ADCY5: variants seen among roughly 807,000 people sequenced by gnomAD.
ADCY5 encodes the protein adenylate cyclase 5, also known as adenylate cyclase type 5.
In ADCY5, 30 loss-of-function variants were observed where a neutral mutation model predicts 119.7. That is an observed-to-expected ratio of 0.25 (90% CI 0.19 to 0.34). ADCY5 has a LOEUF of 0.34. Among genes scored for constraint, ADCY5 ranks in the 10% least tolerant of loss-of-function variants. The probability of loss-of-function intolerance (pLI) is 1.00; values close to 1 mark genes in which losing one functional copy is unlikely to be tolerated. For synonymous variants in ADCY5, 753 were observed against 762.2 expected (o/e 0.99, Z 0.20); for missense variants, 1,324 against 1,775.2 (o/e 0.75, Z 4.57).
intron 16 of ADCY5, 117 bp downstream of exon 16, chr3:123,297,236 T>G: frequency 5.5e-6 from 8 of 1,461,676 alleles, no homozygotes; most frequent in South Asian, 2.3e-5. Context: ...CCTGTTGGCC[T>G]TCTCCTTCAC....
At chr3:123,413,502 G>GA (rs1261995004) in intron 1 of ADCY5, among the ~76,000 whole-genome samples, 1 of 152,186 alleles carries the variant, frequency 6.6e-6, no homozygotes, top group Non-Finnish European at 1.5e-5. Context: ...TCAGAAACCT[G>GA]AAGCCTGTGT....
At chr3:123,441,777 T>G (rs915322067) in intron 1 of ADCY5, among the ~76,000 whole-genome samples, 1 of 152,156 alleles carries the variant, frequency 6.6e-6, no homozygotes, top group Non-Finnish European at 1.5e-5. Flanking sequence ...GGCCGTTGTA[T>G]TTCAGACCAG....
At chr3:123,416,985 T>C (rs1945198299) in intron 1 of ADCY5, among the ~76,000 whole-genome samples, 2 of 152,144 alleles carry the variant, frequency 1.3e-5, no homozygotes, top group Non-Finnish European at 2.9e-5. Flanking sequence ...AGAATCCTCA[T>C]CCGACCCCAA....
At chr3:123,433,470 T>C (rs1945556894) in intron 1 of ADCY5, among the ~76,000 whole-genome samples, 1 of 152,036 alleles carries the variant, frequency 6.6e-6, no homozygotes, top group African/African-American at 2.4e-5. Flanking sequence ...CAAAAGAAAA[T>C]GTAAAAATAT....
chr3:123,369,257 C>T (rs1233915180), intron 1 of ADCY5, among the ~76,000 whole-genome samples: 1 of 152,194 alleles, frequency 6.6e-6, no homozygotes, highest in Non-Finnish European at 1.5e-5. Context: ...AAGGCCCTCG[C>T]TAGGTGCTGT....
At position 123,304,138 on chromosome 3, in the gene ADCY5, A is replaced by G; in HGVS notation, c.2488T>C (p.Ser830Pro). The G allele has an allele frequency of 7.1e-7, 1 of 1,410,800 alleles. No individual in the cohort carries two copies. The highest frequency in any genetic ancestry group is 9.5e-7 in the Non-Finnish European group (1 of 1,053,894). 87.4% of individuals were successfully genotyped at this position (1,410,800 alleles called of 1,614,324 possible). Residue 830 changes from serine to proline, a missense_variant, in exon 13 of 21, where the codon TCC (serine) becomes CCC (proline). Coordinates refer to ENST00000462833, the MANE Select transcript of ADCY5 (RefSeq NM_183357.3). ...LQTLSRKIVRSKMNSTLVGVF... is the reference protein window; with the variant it reads ...LQTLSRKIVRPKMNSTLVGVF... ...CCAACCAGGGTGCTGTTCATCTTGG[A>G]CCGCACGATCTTCCTGGAGAGGGTC...
intron 3 of ADCY5, among the ~76,000 whole-genome samples, chr3:123,345,047 A>T (rs1942465211): frequency 6.6e-6 from 1 of 152,084 alleles, no homozygotes; most frequent in Non-Finnish European, 1.5e-5. Context: ...CATGCAGGCC[A>T]CTCTGTGATT....
intron 1 of ADCY5, among the ~76,000 whole-genome samples, chr3:123,419,842 C>T (rs576092219): frequency 1.1e-4 from 16 of 152,196 alleles, no homozygotes; most frequent in Admixed American, 4.6e-4. Flanking sequence ...TCCTCCGAGT[C>T]GCTCTTCCCA....
intron 1 of ADCY5, among the ~76,000 whole-genome samples, chr3:123,407,315 A>T (rs1576674663): frequency 6.6e-6 from 1 of 152,232 alleles, no homozygotes; most frequent in African/African-American, 2.4e-5. Flanking sequence ...AGCAACCAGC[A>T]GTAGCACTTG....
At chr3:123,441,737 G>A (rs192902903) in intron 1 of ADCY5, among the ~76,000 whole-genome samples, 1 of 152,242 alleles carries the variant, frequency 6.6e-6, no homozygotes, top group Admixed American at 6.5e-5. Flanking sequence ...TTACAAAACT[G>A]GTCACTCTCC....
At chr3:123,355,724 A>G (rs962759856) in intron 1 of ADCY5, among the ~76,000 whole-genome samples, 1 of 152,162 alleles carries the variant, frequency 6.6e-6, no homozygotes, top group African/African-American at 2.4e-5. Flanking sequence ...GATGAAAGAA[A>G]TTTTAAAAGA....
intron 1 of ADCY5, among the ~76,000 whole-genome samples, chr3:123,408,561 C>T (rs1160386992): frequency 2.0e-5 from 3 of 151,054 alleles, no homozygotes; most frequent in African/African-American, 4.9e-5. Context: ...CAGGCTGAGG[C>T]GGAAGAATCA....
At chr3:123,296,912 C>A (rs1325497133) in intron 16 of ADCY5, 5 of 1,386,952 alleles carry the variant, frequency 3.6e-6, no homozygotes, top group Non-Finnish European at 4.9e-6. Flanking sequence ...CTCCAGTGAC[C>A]CCCCGCCCCT....
chr3:123,284,823 G>A, intron 20 of ADCY5, 87 bp from the exon 21 acceptor site: 2 of 1,555,046 alleles, frequency 1.3e-6, no homozygotes, highest in Admixed American at 3.4e-5. Context: ...TGACTGCCCA[G>A]CCCTGTTGCC....
chr3:123,347,378 G>A (rs760857564), intron 3 of ADCY5, among the ~76,000 whole-genome samples: 9 of 152,172 alleles, frequency 5.9e-5, no homozygotes, highest in Non-Finnish European at 1.0e-4. Context: ...TGCCTGGGAC[G>A]CACTGGCTTA....
chr3:123,417,523 G>C (rs1056047340), intron 1 of ADCY5, among the ~76,000 whole-genome samples: 1 of 152,240 alleles, frequency 6.6e-6, no homozygotes, highest in Admixed American at 6.5e-5. Context: ...CTCTCATTCA[G>C]GGACAAGTCC....
intron 1 of ADCY5, among the ~76,000 whole-genome samples, chr3:123,374,130 AG>A (rs143951136): frequency 2.0e-5 from 3 of 152,266 alleles, no homozygotes; most frequent in African/African-American, 7.2e-5. Context: ...AGGTCAAGAC[AG>A]GCATCAGGGA....
intron 1 of ADCY5, among the ~76,000 whole-genome samples, chr3:123,406,474 G>A (rs1263900282): frequency 6.6e-6 from 1 of 152,158 alleles, no homozygotes; most frequent in Non-Finnish European, 1.5e-5. Flanking sequence ...TAAAACCTAC[G>A]GTTTAAAATA....
intron 1 of ADCY5, among the ~76,000 whole-genome samples, chr3:123,422,784 A>G (rs1945325765): frequency 6.6e-6 from 1 of 152,212 alleles, no homozygotes; most frequent in Non-Finnish European, 1.5e-5. Flanking sequence ...TCAAGCTTTT[A>G]GAGGCCATAA....
Sources: allele counts gnomAD v4.1 joint callset (sites outside exome capture counted in the v4.1 genomes callset), GRCh38; gene constraint gnomAD v4.1.1; transcripts MANE v1.5; gene names NCBI Gene and HGNC (gene_info 2026-07-23, HGNC 2026-07-21).